The following CPAMD8 variants were observed in gnomAD, a reference collection of about 807,000 sequenced individuals.
CPAMD8 encodes C3 and PZP-like alpha-2-macroglobulin domain-containing protein 8.
A neutral mutation model predicts 224.7 loss-of-function variants in CPAMD8; 146 were observed. That is an observed-to-expected ratio of 0.65 (90% confidence interval 0.57 to 0.75). CPAMD8 has a LOEUF of 0.75. Ranked by LOEUF, CPAMD8 falls within the 30% of genes least tolerant of loss-of-function variation. CPAMD8 has a pLI of 0.00. For synonymous variants in CPAMD8, 966 were observed against 1,044.6 expected (o/e 0.92, Z 1.45); for missense variants, 2,301 against 2,537.5 (o/e 0.91, Z 2.00).
intron 14 of CPAMD8, among the ~76,000 whole-genome samples, chr19:16,978,606 G>T (rs2055366338): frequency 6.6e-6 from 1 of 152,128 alleles, no homozygotes; most frequent in Non-Finnish European, 1.5e-5. Context: ...ACTGCTGGAG[G>T]GGATGCTACT....
intron 32 of CPAMD8, 50 bp downstream of exon 32, chr19:16,904,176 A>ACCCCCCCCCCCCCCCCCCCCCACCC: frequency 1.1e-6 from 1 of 937,340 alleles, no homozygotes. Context: ...GACTGCAGGG[A>ACCCCCCCCCCCCCCCCCCCCCACCC]CCCCACCCAC....
intron 3 of CPAMD8, among the ~76,000 whole-genome samples, chr19:17,018,237 C>T (rs192436787): frequency 8.5e-5 from 13 of 152,248 alleles, no homozygotes; most frequent in African/African-American, 2.9e-4. Flanking sequence ...AGCTAACCCC[C>T]CAAATGCCGC....
At chr19:16,919,302 T>C (rs2053081921) in intron 27 of CPAMD8, among the ~76,000 whole-genome samples, 1 of 152,172 alleles carries the variant, frequency 6.6e-6, no homozygotes, top group African/African-American at 2.4e-5. Flanking sequence ...TCCTTCCCGC[T>C]TTCTCTCTTG....
intron 39 of CPAMD8, 57 bp downstream of exon 39, chr19:16,897,634 T>G: frequency 1.0e-6 from 1 of 968,558 alleles, no homozygotes; most frequent in Non-Finnish European, 1.5e-6. Flanking sequence ...CGTCCGAGGG[T>G]GGGAGTCGGG....
intron 23 of CPAMD8, among the ~76,000 whole-genome samples, chr19:16,937,213 C>A (rs2053723711): frequency 6.6e-6 from 1 of 151,970 alleles, no homozygotes; most frequent in Non-Finnish European, 1.5e-5. Flanking sequence ...AGGCTCACTA[C>A]AACCTCCACC....
Position 16,896,258 on chromosome 19 carries a change from A to G in CPAMD8, c.5344T>C (p.Leu1782=). ...CCATTCAGCTTCACGTCCTGCTGTA[A>G]AGGCCCCGGGGCCACAGAAGCCAGG... is the stretch of plus-strand genomic sequence containing the variant. ...DDLASVAPGP[L]QQDVKLNGAG... Residue 1782 remains leucine (L), a synonymous_variant, in exon 41 of 42, where the codon TTA becomes CTA. Coordinates refer to ENST00000443236, the MANE Select transcript of CPAMD8 (RefSeq NM_015692.5). 1 of 1,613,442 alleles carries G rather than the reference A, an allele frequency of 6.2e-7. No individual in the cohort carries two copies. The highest frequency in any genetic ancestry group is 8.5e-7 in the Non-Finnish European group (1 of 1,179,956).
Position 17,022,069 on chromosome 19 carries a change from G to C in CPAMD8, c.205C>G (p.Gln69Glu). Residue 69 changes from glutamine to glutamate, a missense_variant, in exon 2 of 42, where the codon CAG becomes GAG. This residue lies in a region of CPAMD8 where 283 missense variants were observed against 340.6 expected (regional missense o/e 0.83). Coordinates refer to ENST00000443236, the MANE Select transcript of CPAMD8 (RefSeq NM_015692.5). ...EVTVQAQLVA[Q>E]GEPVVQSQGA... ...TGGCTCTGCACCACCGGCTCACCCT[G>C]GGCCACCAGCTGAGCCTGGACCGTG... 6.2e-7 allele frequency: 1 copy of C among 1,606,302 alleles called. No individual in the cohort carries two copies. Among genetic ancestry groups the C allele is most frequent in the Non-Finnish European group, 8.5e-7 (1 of 1,176,704 alleles).
In CPAMD8 at chr19:16,993,506, G is replaced by T. The variant is rs762590483; in HGVS notation, c.1176C>A (p.Asn392Lys). The T allele has an allele frequency of 6.8e-6, 11 of 1,613,320 alleles. No homozygotes were observed. The Middle Eastern group carries it at 6.6e-4, about 96-fold the overall frequency. ...GGGACACAACTTCACTGGTGTAGAT[G>T]TTATCCTTTGGTGTCAGCTCTGCCT... is the stretch of plus-strand genomic sequence containing the variant. ...QIKAELTPKD[N>K]IYTSEVVSQR... Residue 392 changes from asparagine to lysine, a missense_variant, in exon 12 of 42, where the codon AAC (asparagine) becomes AAA (lysine). Coordinates refer to ENST00000443236, the MANE Select transcript of CPAMD8 (RefSeq NM_015692.5).
rs777500189 is a variant in CPAMD8 at position 16,995,893 on chromosome 19, C to T, written c.1095+1218G>A. ...GACTAGGTGCGGTGGCTCCTGTTTG[C>T]AATCTCAGCACTCTGGGAGGCTGAG... On this transcript the variant is annotated intron_variant, in intron 11 of 41. Coordinates refer to ENST00000443236, the MANE Select transcript of CPAMD8 (RefSeq NM_015692.5). Among the ~76,000 whole-genome samples the T allele has an allele frequency of 3.5e-4, 53 of 152,220 alleles. 1 individual carries two copies. The highest frequency in any genetic ancestry group is 6.8e-3 in the Middle Eastern group (2 of 294).
In CPAMD8 at chr19:16,904,532, G is replaced by A. The variant is rs758862904; in HGVS notation, c.4048C>T (p.Leu1350=). The A allele has an allele frequency of 3.7e-6, 6 of 1,613,560 alleles. No homozygotes were observed. Among genetic ancestry groups the A allele is most frequent in the African/African-American group, 2.7e-5 (2 of 74,912 alleles). The change falls in exon 31 of 42, where the codon CTG becomes TTG. Residue 1350 remains leucine (L), a synonymous_variant. Coordinates refer to ENST00000443236, the MANE Select transcript of CPAMD8 (RefSeq NM_015692.5). ...TTGTCCACGTCCCAGGAATTTGACAGGCTCCAGTGGGTGACCCCATCTGCA... is the reference window on the plus strand; with the variant it reads ...TTGTCCACGTCCCAGGAATTTGACAAGCTCCAGTGGGTGACCCCATCTGCA... ...IMRDGVTHWS[L]SNSWDVDKGT...
At position 16,896,305 on chromosome 19, in the gene CPAMD8, G is replaced by T; in HGVS notation, c.5297C>A (p.Ser1766Ter). 1 of 1,609,092 alleles carries T rather than the reference G, an allele frequency of 6.2e-7. No individual in the cohort carries two copies. The highest frequency in any genetic ancestry group is 8.5e-7 in the Non-Finnish European group (1 of 1,178,082). Reference protein sequence around the residue: ...CALEQRLPASSSSTYGDDLAS... With the variant: ...CALEQRLPAS ...CAGGTCATCCCCGTAGGTGGAGGAC[G>T]ACGAGGCCGGCAGCCGCTGCTCTGG... The change falls in exon 41 of 42, where the codon TCG becomes TAG. Residue 1766 changes from serine to a stop codon, truncating the protein, a stop_gained. Transcript: ENST00000443236. LOFTEE classifies it high-confidence loss of function.
intron 13 of CPAMD8, among the ~76,000 whole-genome samples, chr19:16,985,748 G>A (rs1212940926): frequency 6.6e-6 from 1 of 151,248 alleles, no homozygotes; most frequent in Admixed American, 6.6e-5. Context: ...ATGGATGGGT[G>A]GAGGGAGGGA....
At chr19:16,984,330 A>AAAG (rs397746911) in intron 13 of CPAMD8, among the ~76,000 whole-genome samples, 23 of 132,576 alleles carry the variant, frequency 1.7e-4, no homozygotes, top group Non-Finnish European at 2.6e-4. Context: ...AAAAAAAAAA[A>AAAG]AGAGAGAGAG....
chr19:16,894,461 C>T (rs551525154), intron 41 of CPAMD8: 18 of 456,666 alleles, frequency 3.9e-5, no homozygotes, highest in Admixed American at 3.5e-4. Context: ...GAGAAAGATT[C>T]CTATGGGGCC....
Position 17,011,620 on chromosome 19 carries a change from G to C in CPAMD8, c.405C>G (p.Asp135Glu). ...GRGASVFIQT[D>E]KPVYRPQHRV... ...GGTGCTGGGGTCTGTACACAGGCTTGTCCGTCTGGATGAATACAGAAGCGC... is the reference window on the plus strand; with the variant it reads ...GGTGCTGGGGTCTGTACACAGGCTTCTCCGTCTGGATGAATACAGAAGCGC... Residue 135 changes from aspartate (D) to glutamate (E), a missense_variant, in exon 4 of 42, where the codon GAC (aspartate) becomes GAG (glutamate). By Grantham distance (45) the Asp-to-Glu change is conservative. Coordinates refer to ENST00000443236, the MANE Select transcript of CPAMD8 (RefSeq NM_015692.5). The C allele has an allele frequency of 1.2e-6, 2 of 1,614,212 alleles. No homozygotes were observed. The highest frequency in any genetic ancestry group is 1.7e-6 in the Non-Finnish European group (2 of 1,180,038).
intron 13 of CPAMD8, among the ~76,000 whole-genome samples, chr19:16,984,897 G>A (rs1293213288): frequency 3.9e-5 from 6 of 152,150 alleles, no homozygotes; most frequent in Non-Finnish European, 8.8e-5. Flanking sequence ...AAATGCACAT[G>A]CACACTCATG....
intron 3 of CPAMD8, among the ~76,000 whole-genome samples, chr19:17,019,826 C>T (rs182318178): frequency 6.6e-6 from 1 of 151,870 alleles, no homozygotes; most frequent in East Asian, 1.9e-4. Flanking sequence ...ACCTCAGCCT[C>T]GCAAAGTGCT....
rs1568540124 is a variant in CPAMD8, at chr19:16,967,901, A to ATATGTGCATATATACACACACGTGTGTG, written c.2213+2989_2213+2990insCACACACGTGTGTGTATATATGCACATA. Among the ~76,000 whole-genome samples, 71 of 149,276 alleles carry ATATGTGCATATATACACACACGTGTGTG rather than the reference A, an allele frequency of 4.8e-4. 2 individuals carry two copies. The highest frequency in any genetic ancestry group is 1.7e-3 in the African/African-American group (67 of 39,382). ...CATATATACACACACATGTGTGTGT[A>ATATGTGCATATATACACACACGTGTGTG]TATATGTGCATATATACACACACAT... On this transcript the variant is annotated intron_variant, in intron 18 of 41. Coordinates refer to ENST00000443236, the MANE Select transcript of CPAMD8 (RefSeq NM_015692.5).
chr19:17,002,195 G>A lies in CPAMD8; in HGVS notation c.758+71C>T, dbSNP rs1452259171. The stretch of plus-strand genomic sequence containing the variant: ...GGCAGCAGAGGAGGGGAACGACCTT[G>A]AGGGAGCAGCGTGATGGTTGGGGAA... On this transcript the variant is annotated intron_variant, in intron 9 of 41. Coordinates refer to ENST00000443236, the MANE Select transcript of CPAMD8 (RefSeq NM_015692.5). 2.6e-5 allele frequency: 27 copies of A among 1,044,674 alleles called. 1 individual carries two copies. Among genetic ancestry groups the A allele is most frequent in the Middle Eastern group, 2.0e-4 (1 of 4,916 alleles). 64.7% of individuals were successfully genotyped at this position (1,044,674 alleles called of 1,614,324 possible).
Sources: gnomAD v4.1 joint callset for allele counts (sites outside exome capture counted in the v4.1 genomes callset) on GRCh38, gnomAD v4.1.1 for gene constraint, gnomAD v4.1.1 regional missense constraint, MANE v1.5 for transcripts, NCBI Gene and HGNC (gene_info 2026-07-23, HGNC 2026-07-21) for gene names.